The following DLG2 variants were observed in gnomAD, a reference collection of about 807,000 sequenced individuals.
DLG2 encodes discs large MAGUK scaffold protein 2, also known as disks large homolog 2.
In DLG2, 45 loss-of-function variants were observed where a neutral mutation model predicts 132.5. That is an observed-to-expected ratio of 0.34 (90% CI 0.27 to 0.44). The LOEUF is 0.44. DLG2 is among the 20% of genes least tolerant of loss of function. The pLI is 1.00. For missense variants in DLG2, 1,045 were observed against 1,196.9 expected (o/e 0.87, Z 1.87); for synonymous variants, 424 against 419.6 (o/e 1.01, Z -0.13).
intron 8 of DLG2, among the ~76,000 whole-genome samples, chr11:84,179,327 A>G (rs1026833387): frequency 4.6e-5 from 7 of 152,202 alleles, no homozygotes; most frequent in African/African-American, 1.7e-4. Context: ...AACTATTGTT[A>G]GATCCATCAG....
At chr11:84,768,526 A>T (rs1231060403) in intron 6 of DLG2, among the ~76,000 whole-genome samples, 1 of 152,186 alleles carries the variant, frequency 6.6e-6, no homozygotes, top group Non-Finnish European at 1.5e-5. Flanking sequence ...GGAGTGTGCA[A>T]TATATAATAG....
chr11:84,724,893 C>T (rs1472383889), intron 6 of DLG2, among the ~76,000 whole-genome samples: 1 of 152,070 alleles, frequency 6.6e-6, no homozygotes, highest in African/African-American at 2.4e-5. Context: ...AGAAGAGTAG[C>T]CACTATCTAA....
intron 7 of DLG2, among the ~76,000 whole-genome samples, chr11:84,304,927 T>C (rs899497331): frequency 1.3e-5 from 2 of 152,196 alleles, no homozygotes; most frequent in Admixed American, 1.3e-4. Context: ...ATTCAACCTT[T>C]CCATTTGATA....
intron 10 of DLG2, among the ~76,000 whole-genome samples, chr11:84,070,506 C>G: frequency 6.6e-6 from 1 of 152,342 alleles, no homozygotes; most frequent in East Asian, 1.9e-4. Flanking sequence ...TTAAGAAATA[C>G]ATTTAACAAT....
intron 6 of DLG2, among the ~76,000 whole-genome samples, chr11:84,857,904 T>A (rs1307291017): frequency 2.0e-5 from 3 of 152,080 alleles, no homozygotes; most frequent in Non-Finnish European, 2.9e-5. Flanking sequence ...TTTTTTTTTT[T>A]CTTTGAGACA....
At chr11:84,557,737 G>A (rs2099414793) in intron 6 of DLG2, among the ~76,000 whole-genome samples, 1 of 151,132 alleles carries the variant, frequency 6.6e-6, no homozygotes, top group Non-Finnish European at 1.5e-5. Context: ...TAACAATACT[G>A]CTAAAAATCC....
chr11:85,128,048 A>G (rs893195995), intron 5 of DLG2, among the ~76,000 whole-genome samples: 1 of 152,148 alleles, frequency 6.6e-6, no homozygotes, highest in Non-Finnish European at 1.5e-5. Flanking sequence ...TGTAGTATTA[A>G]CTACATCAAG....
At chr11:84,285,718 C>T (rs988618828) in intron 7 of DLG2, among the ~76,000 whole-genome samples, 1 of 152,184 alleles carries the variant, frequency 6.6e-6, no homozygotes. Flanking sequence ...ACCTTACTCA[C>T]GACATCCTGT....
At chr11:84,124,674 T>C (rs1051593662) in intron 9 of DLG2, among the ~76,000 whole-genome samples, 15 of 152,130 alleles carry the variant, frequency 9.9e-5, no homozygotes, top group African/African-American at 3.1e-4. Flanking sequence ...TAGACTTCCA[T>C]AATCAGGGAC....
At chr11:84,561,268 G>A (rs978954428) in intron 6 of DLG2, among the ~76,000 whole-genome samples, 7 of 151,958 alleles carry the variant, frequency 4.6e-5, no homozygotes, top group African/African-American at 7.2e-5. Flanking sequence ...ATACACTTCT[G>A]TCACAGATGA....
chr11:85,481,700 G>T lies in DLG2; in HGVS notation c.40+116957C>A, dbSNP rs559515924. Among the ~76,000 whole-genome samples the T allele has an allele frequency of 7.3e-5, 11 of 151,502 alleles. No individual in the cohort carries two copies. The South Asian group carries it at 2.1e-3, about 29-fold the overall frequency. On this transcript the variant is annotated intron_variant, in intron 3 of 27. Transcript: ENST00000376104. ...CCCCAGTGGCCCCAGTCTGTAGACTGCCCCCAGCATCAGGCTAGCCCTCAC... is the reference window on the plus strand; with the variant it reads ...CCCCAGTGGCCCCAGTCTGTAGACTTCCCCCAGCATCAGGCTAGCCCTCAC...
At chr11:84,167,400 T>G (rs966789860) in intron 8 of DLG2, among the ~76,000 whole-genome samples, 2 of 152,112 alleles carry the variant, frequency 1.3e-5, no homozygotes, top group Non-Finnish European at 2.9e-5. Flanking sequence ...ATATTTGTTT[T>G]TCTCCAACAG....
At chr11:84,180,533 A>C (rs2096088738) in intron 8 of DLG2, among the ~76,000 whole-genome samples, 1 of 152,104 alleles carries the variant, frequency 6.6e-6, no homozygotes. Flanking sequence ...GGAACCTCAG[A>C]GAACACCAAG....
At chr11:84,697,348 A>G (rs1406578175) in intron 6 of DLG2, among the ~76,000 whole-genome samples, 1 of 151,496 alleles carries the variant, frequency 6.6e-6, no homozygotes, top group Non-Finnish European at 1.5e-5. Context: ...TAGTATCCCA[A>G]TCTCTTCCTA....
chr11:83,692,625 A>G lies in DLG2; in HGVS notation c.1826-59300T>C, dbSNP rs534906978. 2.0e-5 allele frequency among the ~76,000 whole-genome samples: 3 copies of G among 152,348 alleles called. No individual in the cohort carries two copies. The South Asian group carries it at 6.2e-4, about 32-fold the overall frequency. On this transcript the variant is annotated intron_variant, in intron 18 of 27. Transcript: ENST00000376104. ...CTGAATTGTATATTTTAAACAAGTGAATAATATGGTATATGAATTTAAAAA... is the reference window on the plus strand; with the variant it reads ...CTGAATTGTATATTTTAAACAAGTGGATAATATGGTATATGAATTTAAAAA...
intron 7 of DLG2, among the ~76,000 whole-genome samples, chr11:84,453,163 C>A (rs1464550105): frequency 6.6e-6 from 1 of 151,518 alleles, no homozygotes; most frequent in African/African-American, 2.4e-5. Flanking sequence ...ATCAAGTAAG[C>A]CACTGGATAT....
At chr11:83,641,858 AG>A (rs2066603834) in intron 18 of DLG2, among the ~76,000 whole-genome samples, 1 of 103,082 alleles carries the variant, frequency 9.7e-6, no homozygotes, top group Non-Finnish European at 1.9e-5. Flanking sequence ...TCCAAGAGAG[AG>A]GGAGTGTGTG....
At chr11:83,601,618 T>C (rs1386600584) in intron 19 of DLG2, among the ~76,000 whole-genome samples, 4 of 145,666 alleles carry the variant, frequency 2.7e-5, no homozygotes, top group Non-Finnish European at 4.5e-5. Flanking sequence ...CTTAAACCAT[T>C]CTTCCACCTC....
chr11:85,465,102 AAAAAAAAAAAAAAAAAAG>A, intron 3 of DLG2, among the ~76,000 whole-genome samples: 2 of 134,782 alleles, frequency 1.5e-5, no homozygotes, highest in African/African-American at 5.9e-5. Flanking sequence ...AAAAAAAAAA[AAAAAAAAAAAAAAAAAAG>A]AAGCAAGATG....
Sources: gnomAD v4.1 joint callset for allele counts (sites outside exome capture counted in the v4.1 genomes callset) on GRCh38, gnomAD v4.1.1 for gene constraint, MANE v1.5 for transcripts, NCBI Gene and HGNC (gene_info 2026-07-23, HGNC 2026-07-21) for gene names.